FER1L6: variants seen among roughly 807,000 people sequenced by gnomAD.
The protein encoded by FER1L6 is fer-1 like family member 6, also known as fer-1-like protein 6.
In FER1L6, 177 loss-of-function variants were observed where a neutral mutation model predicts 219.2. That is an observed-to-expected ratio of 0.81 (90% CI 0.71 to 0.91). The LOEUF (loss-of-function observed/expected upper bound fraction) is 0.91. Ranked by LOEUF, FER1L6 falls within the 40% of genes least tolerant of loss-of-function variation. The pLI is 0.00. For missense variants in FER1L6, 2,153 were observed against 2,259.9 expected, an observed-to-expected ratio of 0.95 and a Z score of 0.96; for synonymous variants, 768 against 824.3, an observed-to-expected ratio of 0.93 and a Z score of 1.17.
chr8:124,049,775 G>C lies in FER1L6; in HGVS notation c.2874+19G>C, dbSNP rs769480065. 2.7e-5 allele frequency: 44 copies of C among 1,613,450 alleles called. No homozygotes were observed. In the South Asian group the frequency reaches 4.4e-4, roughly 16 times the overall value. ...GCTGCAGGTGAGTGAACCAGATGTG[G>C]CACGAGATCTATTAGGTCTACCTGG... is the stretch of plus-strand genomic sequence containing the variant. On this transcript the variant is annotated intron_variant, in intron 22 of 40. Transcript: ENST00000522917.
intron 1 of FER1L6, among the ~76,000 whole-genome samples, chr8:123,868,591 T>C (rs1318836559): frequency 6.6e-6 from 1 of 152,206 alleles, no homozygotes; most frequent in East Asian, 1.9e-4. Flanking sequence ...CTGCTCACAC[T>C]TTGGAAGGTG....
In FER1L6 at chr8:123,980,570, G is replaced by A. The variant is rs373862248; in HGVS notation, c.1169G>A (p.Gly390Asp). 13 of 1,614,052 alleles carry A rather than the reference G, an allele frequency of 8.1e-6. No individual in the cohort carries two copies. In the African/African-American group the frequency reaches 9.3e-5, roughly 12 times the overall value. The change falls in exon 11 of 41, where the codon GGT (glycine) becomes GAT (aspartate). Residue 390 changes from glycine (G) to aspartate (D), a missense_variant. By Grantham distance (94) the Gly-to-Asp change is moderately conservative. Transcript: ENST00000522917. Reference protein sequence around the residue: ...YQEMNEGFGEGVSFRGRILVE... With the variant: ...YQEMNEGFGEDVSFRGRILVE... ...GAAATGAACGAAGGCTTTGGGGAAGGTGTGTCATTCAGGGGCAGAATCTTG... is the reference window on the plus strand; with the variant it reads ...GAAATGAACGAAGGCTTTGGGGAAGATGTGTCATTCAGGGGCAGAATCTTG...
intron 1 of FER1L6, among the ~76,000 whole-genome samples, chr8:123,875,881 A>G (rs1048467143): frequency 6.6e-6 from 1 of 152,142 alleles, no homozygotes; most frequent in African/African-American, 2.4e-5. Flanking sequence ...CACGTCCACC[A>G]TCTGTCACTA....
intron 39 of FER1L6, 91 bp downstream of exon 39, chr8:124,103,400 T>C (rs1822628664): frequency 7.8e-7 from 1 of 1,277,970 alleles, no homozygotes; most frequent in Non-Finnish European, 1.1e-6. Flanking sequence ...TCAAGTAAAA[T>C]GCCTTGAAAT....
intron 12 of FER1L6, among the ~76,000 whole-genome samples, chr8:123,987,838 G>A (rs548773471): frequency 1.3e-5 from 2 of 152,276 alleles, no homozygotes; most frequent in Admixed American, 1.3e-4. Context: ...CTGGCTGGGT[G>A]CGGTGGCTCA....
At chr8:124,095,811 C>T (rs895279252) in intron 35 of FER1L6, among the ~76,000 whole-genome samples, 1 of 152,170 alleles carries the variant, frequency 6.6e-6, no homozygotes, top group African/African-American at 2.4e-5. Context: ...TCATGATGGG[C>T]TTATTATGAT....
intron 1 of FER1L6, among the ~76,000 whole-genome samples, chr8:123,892,957 T>A (rs1052089513): frequency 2.6e-5 from 4 of 152,176 alleles, no homozygotes; most frequent in African/African-American, 9.7e-5. Flanking sequence ...TATATTTATA[T>A]AGATGTGGTA....
At chr8:123,961,326 T>C (rs188128296) in intron 2 of FER1L6, among the ~76,000 whole-genome samples, 11 of 152,228 alleles carry the variant, frequency 7.2e-5, no homozygotes, top group Admixed American at 3.9e-4. Context: ...AATCAGAATC[T>C]GCATTTTAGC....
At chr8:123,854,254 A>T (rs1816587152) in intron 1 of FER1L6, among the ~76,000 whole-genome samples, 1 of 152,144 alleles carries the variant, frequency 6.6e-6, no homozygotes, top group African/African-American at 2.4e-5. Context: ...GGATGAGAAA[A>T]AAATATTACC....
chr8:124,000,963 G>A (rs1334130530), intron 12 of FER1L6, among the ~76,000 whole-genome samples: 1 of 152,162 alleles, frequency 6.6e-6, no homozygotes, highest in African/African-American at 2.4e-5. Flanking sequence ...GTTTGGGTGG[G>A]GACTGAGAGA....
chr8:123,950,851 A>T (rs1814730027), intron 1 of FER1L6, among the ~76,000 whole-genome samples: 1 of 152,162 alleles, frequency 6.6e-6, no homozygotes, highest in Non-Finnish European at 1.5e-5. Context: ...CTTGCTTGAG[A>T]CATTTTTGAT....
chr8:123,968,989 AC>A (rs1285489612), intron 5 of FER1L6, among the ~76,000 whole-genome samples: 6 of 152,018 alleles, frequency 3.9e-5, no homozygotes, highest in Non-Finnish European at 8.8e-5. Flanking sequence ...AAACACACAA[AC>A]CAGGACAAAA....
chr8:123,890,029 C>T (rs1257253673), intron 1 of FER1L6, among the ~76,000 whole-genome samples: 1 of 152,076 alleles, frequency 6.6e-6, no homozygotes, highest in Middle Eastern at 3.2e-3. Context: ...TAACATTGCT[C>T]ATAGTTAAAG....
intron 1 of FER1L6, among the ~76,000 whole-genome samples, chr8:123,911,503 G>A (rs1423850430): frequency 6.6e-6 from 1 of 152,170 alleles, no homozygotes; most frequent in African/African-American, 2.4e-5. Flanking sequence ...GAAACCCTCT[G>A]TTAATCTTCA....
At chr8:124,075,927 AGAT>A (rs1821263048) in intron 31 of FER1L6, among the ~76,000 whole-genome samples, 1 of 152,208 alleles carries the variant, frequency 6.6e-6, no homozygotes, top group African/African-American at 2.4e-5. Context: ...TCCACTGAGG[AGAT>A]GACTCCAGAG....
chr8:124,022,172 C>T (rs546579275), intron 17 of FER1L6, among the ~76,000 whole-genome samples: 10 of 152,292 alleles, frequency 6.6e-5, no homozygotes, highest in Non-Finnish European at 8.8e-5. Context: ...TTTCAGGAAG[C>T]GAGATTTACT....
chr8:123,951,263 G>T (rs1326827243), intron 1 of FER1L6, among the ~76,000 whole-genome samples: 1 of 152,152 alleles, frequency 6.6e-6, no homozygotes, highest in Non-Finnish European at 1.5e-5. Flanking sequence ...ATGGGATCTG[G>T]TCAAGTGTGG....
chr8:123,937,343 A>G (rs903245879), intron 1 of FER1L6, among the ~76,000 whole-genome samples: 1 of 152,228 alleles, frequency 6.6e-6, no homozygotes, highest in Non-Finnish European at 1.5e-5. Flanking sequence ...TCTTTTATCT[A>G]TCTAGCTAGA....
At chr8:124,100,509 T>C (rs1054001308) in intron 37 of FER1L6, among the ~76,000 whole-genome samples, 1 of 152,078 alleles carries the variant, frequency 6.6e-6, no homozygotes, top group African/African-American at 2.4e-5. Context: ...ACAGTCAGAG[T>C]TGGAATCCAG....
Sources: gnomAD v4.1 joint callset for allele counts (sites outside exome capture counted in the v4.1 genomes callset) on GRCh38, gnomAD v4.1.1 for gene constraint, MANE v1.5 for transcripts, NCBI Gene and HGNC (gene_info 2026-07-23, HGNC 2026-07-21) for gene names.